The following SCUBE1 variants were observed in gnomAD, a reference collection of about 807,000 sequenced individuals.
The protein encoded by SCUBE1 is signal peptide, CUB and EGF-like domain-containing protein 1.
Under a neutral mutation model 124.4 loss-of-function variants are expected in SCUBE1, and 59 were observed. That is an observed-to-expected ratio of 0.47 (90% CI 0.38 to 0.59). The LOEUF (loss-of-function observed/expected upper bound fraction) is 0.59. Ranked by LOEUF, SCUBE1 falls within the 20% of genes least tolerant of loss-of-function variation. The pLI, the probability that SCUBE1 is intolerant of heterozygous loss-of-function variation, is 0.00. For missense variants in SCUBE1, 1,150 were observed against 1,371.2 expected (o/e 0.84, Z 2.55); for synonymous variants, 545 against 550.9 (o/e 0.99, Z 0.15).
chr22:43,266,671 G>A (rs1924079147), intron 4 of SCUBE1, among the ~76,000 whole-genome samples: 1 of 152,190 alleles, frequency 6.6e-6, no homozygotes, highest in African/African-American at 2.4e-5. Flanking sequence ...GGGGTCACTC[G>A]GCTACACCTG....
rs950558605 is a variant in SCUBE1 at position 43,234,623 on chromosome 22, G to T, written c.845-2748C>A. Reference sequence around the variant, plus strand: ...CACACTACCTCAGGATATAGTGAAGGGGGTGCTGGGCTCATGGCCCCTGGG... The same window carrying T: ...CACACTACCTCAGGATATAGTGAAGTGGGTGCTGGGCTCATGGCCCCTGGG... On this transcript the variant is annotated intron_variant, in intron 7 of 21. Coordinates refer to ENST00000360835, the MANE Select transcript of SCUBE1 (RefSeq NM_173050.5). The surrounding 1 kb of genome is among the most constrained non-coding windows in gnomAD (Gnocchi z 4.4). 1.3e-5 allele frequency among the ~76,000 whole-genome samples: 2 copies of T among 152,182 alleles called. No individual in the cohort carries two copies. The highest frequency in any genetic ancestry group is 2.9e-5 in the Non-Finnish European group (2 of 68,020).
At chr22:43,207,299 G>T (rs1050198911) in intron 21 of SCUBE1, among the ~76,000 whole-genome samples, 1 of 151,854 alleles carries the variant, frequency 6.6e-6, no homozygotes, top group African/African-American at 2.4e-5. Flanking sequence ...CCAGGTCCTG[G>T]TCCCCAAGTC....
Position 43,276,414 on chromosome 22 carries a change from A to C in SCUBE1, c.485-13569T>G, listed in dbSNP as rs1021013632. On this transcript the variant is annotated intron_variant, in intron 4 of 21. Transcript: ENST00000360835. ...AAGCAGCCACCAGGCCGGGAGACAA[A>C]AACCCACCTGGCTGGCCTCAGGCGG... Among the ~76,000 whole-genome samples, 3 of 152,184 alleles carry C rather than the reference A, an allele frequency of 2.0e-5. No homozygotes were observed. The East Asian group carries it at 5.8e-4, about 29-fold the overall frequency.
intron 4 of SCUBE1, 140 bp downstream of exon 4, chr22:43,290,906 G>A (rs1206454499): frequency 2.3e-5 from 20 of 886,324 alleles, no homozygotes; most frequent in South Asian, 8.0e-5. Context: ...AATACCAGAC[G>A]TGCAAAACAG....
chr22:43,217,963 C>T (rs1921908751), intron 15 of SCUBE1, among the ~76,000 whole-genome samples: 1 of 152,214 alleles, frequency 6.6e-6, no homozygotes. Flanking sequence ...CTAGAGAGGG[C>T]CTGTTCTGGT....
At chr22:43,252,598 C>A (rs544308987) in intron 6 of SCUBE1, among the ~76,000 whole-genome samples, 22 of 152,210 alleles carry the variant, frequency 1.4e-4, no homozygotes, top group Admixed American at 9.2e-4. Context: ...TCTCCCCTCC[C>A]GGAACCCCGA....
intron 4 of SCUBE1, among the ~76,000 whole-genome samples, chr22:43,288,846 G>A (rs1470742810): frequency 6.6e-6 from 1 of 152,240 alleles, no homozygotes; most frequent in East Asian, 1.9e-4. Flanking sequence ...GCTCAGGCCC[G>A]TGCCTGGCTC....
intron 20 of SCUBE1, 68 bp from the exon 21 acceptor site, chr22:43,207,681 T>A: frequency 8.2e-7 from 1 of 1,215,236 alleles, no homozygotes; most frequent in Non-Finnish European, 1.2e-6. Context: ...CCCTTTCACC[T>A]CCAGCCTCTG....
chr22:43,313,241 G>C (rs1926232005), intron 3 of SCUBE1, among the ~76,000 whole-genome samples: 1 of 152,204 alleles, frequency 6.6e-6, no homozygotes, highest in African/African-American at 2.4e-5. Flanking sequence ...GAAATGGAGA[G>C]AGCTGGCTAA....
chr22:43,324,954 A>G (rs989332248), intron 2 of SCUBE1, among the ~76,000 whole-genome samples: 5 of 148,694 alleles, frequency 3.4e-5, no homozygotes, highest in Admixed American at 1.4e-4. Flanking sequence ...ATGAGGTCAT[A>G]CTAGATTAGG....
At chr22:43,264,108 C>T (rs1923975489) in intron 4 of SCUBE1, among the ~76,000 whole-genome samples, 1 of 152,156 alleles carries the variant, frequency 6.6e-6, no homozygotes, top group Non-Finnish European at 1.5e-5. Flanking sequence ...GGAGATGTCG[C>T]CAAGGGTAGA....
intron 21 of SCUBE1, among the ~76,000 whole-genome samples, chr22:43,204,516 C>T (rs1380898437): frequency 5.3e-5 from 8 of 151,970 alleles, no homozygotes; most frequent in Non-Finnish European, 1.0e-4. Context: ...CCAGCTTGGT[C>T]TCAGGCTCCT....
chr22:43,319,839 A>C, intron 3 of SCUBE1, 98 bp downstream of exon 3: 1 of 1,455,408 alleles, frequency 6.9e-7, no homozygotes, highest in East Asian at 2.3e-5. Flanking sequence ...CAGGAAGCCA[A>C]AGGAAGGAGA....
chr22:43,238,400 C>A, intron 7 of SCUBE1: 1 of 408,092 alleles, frequency 2.5e-6, no homozygotes, highest in Non-Finnish European at 4.4e-6. Context: ...GATGGCCCAA[C>A]ACCAGACTGT....
At chr22:43,222,096 C>T (rs140644932) in intron 12 of SCUBE1, among the ~76,000 whole-genome samples, 82 of 152,182 alleles carry the variant, frequency 5.4e-4, no homozygotes, top group African/African-American at 1.9e-3. Context: ...AAGAAACATA[C>T]AGAAATGCAC....
At chr22:43,274,332 A>T (rs1236077313) in intron 4 of SCUBE1, among the ~76,000 whole-genome samples, 3 of 152,148 alleles carry the variant, frequency 2.0e-5, no homozygotes, top group Admixed American at 1.3e-4. Flanking sequence ...CATGGGTCAT[A>T]CTTATAATAA....
At chr22:43,212,636 C>G (rs1921618628) in intron 16 of SCUBE1, 44 bp from the exon 17 acceptor site, 11 of 1,540,734 alleles carry the variant, frequency 7.1e-6, no homozygotes, top group Admixed American at 2.0e-5. Context: ...GAGGGCACCG[C>G]AGGGCCGAGG....
intron 8 of SCUBE1, among the ~76,000 whole-genome samples, chr22:43,231,036 C>T (rs1922531166): frequency 6.6e-6 from 1 of 152,214 alleles, no homozygotes; most frequent in Non-Finnish European, 1.5e-5. Flanking sequence ...GGTGCCCCAC[C>T]CCCTGCACTT....
chr22:43,243,215 G>A (rs1023069725), intron 6 of SCUBE1, among the ~76,000 whole-genome samples: 1 of 152,230 alleles, frequency 6.6e-6, no homozygotes, highest in African/African-American at 2.4e-5. Flanking sequence ...GCCAAGGCCA[G>A]AGAATCAGGG....
Sources: gnomAD v4.1 joint callset for allele counts (sites outside exome capture counted in the v4.1 genomes callset) on GRCh38, gnomAD v4.1.1 for gene constraint, Gnocchi (gnomAD v3.1) non-coding constraint, MANE v1.5 for transcripts, NCBI Gene and HGNC (gene_info 2026-07-23, HGNC 2026-07-21) for gene names.